JMJD1C: variants seen among roughly 807,000 people sequenced by gnomAD.
The protein encoded by JMJD1C is jumonji domain-containing protein 1C.
Under a neutral mutation model 245.3 loss-of-function variants are expected in JMJD1C, and 31 were observed. That is an observed-to-expected ratio of 0.13 (90% confidence interval 0.09 to 0.17). The LOEUF (loss-of-function observed/expected upper bound fraction) is 0.17. Ranked by LOEUF, JMJD1C falls within the 10% of genes least tolerant of loss-of-function variation. JMJD1C has a pLI of 1.00. For missense variants in JMJD1C, 2,691 were observed against 3,000.2 expected (o/e 0.90, Z 2.41); for synonymous variants, 1,057 against 1,017.4 (o/e 1.04, Z -0.74).
At chr10:63,256,909 G>A (rs868529982) in intron 3 of JMJD1C, among the ~76,000 whole-genome samples, 3 of 152,132 alleles carry the variant, frequency 2.0e-5, no homozygotes, top group Admixed American at 6.6e-5. Context: ...TGTGTTCGAC[G>A]CCTGTCAAAA....
At chr10:63,505,586 T>C (rs1293805730) in intron 1 of JMJD1C, among the ~76,000 whole-genome samples, 1 of 152,012 alleles carries the variant, frequency 6.6e-6, no homozygotes, top group African/African-American at 2.4e-5. Flanking sequence ...TAATTATATA[T>C]TTAATTATGG....
chr10:63,296,051 G>A (rs1320621815), intron 2 of JMJD1C, among the ~76,000 whole-genome samples: 1 of 140,648 alleles, frequency 7.1e-6, no homozygotes, highest in East Asian at 2.1e-4. Flanking sequence ...CACTCTTGTT[G>A]CCCAGGCTGG....
At chr10:63,183,306 T>TTACTTG in intron 22 of JMJD1C, 141 bp downstream of exon 22, 5 of 626,774 alleles carry the variant, frequency 8.0e-6, no homozygotes, top group Non-Finnish European at 1.3e-5. Flanking sequence ...CTTCAAGTAA[T>TTACTTG]AAGGGCTAAA....
chr10:63,359,588 T>G (rs1388616531), intron 2 of JMJD1C, among the ~76,000 whole-genome samples: 2 of 152,228 alleles, frequency 1.3e-5, no homozygotes. Context: ...TAATGAATAC[T>G]TTTCATTACC....
At chr10:63,278,530 A>G (rs1257877456) in intron 2 of JMJD1C, among the ~76,000 whole-genome samples, 1 of 151,472 alleles carries the variant, frequency 6.6e-6, no homozygotes, top group African/African-American at 2.4e-5. Context: ...CTCCAAAAAA[A>G]TCAAAAGCAA....
At position 63,353,975 on chromosome 10, in the gene JMJD1C, G is replaced by A. The variant is rs1305906913; in HGVS notation, c.333+26343C>T. Among the ~76,000 whole-genome samples, 4 of 152,012 alleles carry A rather than the reference G, an allele frequency of 2.6e-5. No homozygotes were observed. In the East Asian group the frequency reaches 7.7e-4, roughly 29 times the overall value. On this transcript the variant is annotated intron_variant, in intron 2 of 25. Coordinates refer to ENST00000399262, the MANE Select transcript of JMJD1C (RefSeq NM_032776.3). ...TCTGCCTCAGCCTCCTGGGTAGCTG[G>A]AACTACAGGCACACACCACCACACC...
chr10:63,311,288 A>C (rs868525493), intron 2 of JMJD1C, among the ~76,000 whole-genome samples: 1 of 151,950 alleles, frequency 6.6e-6, no homozygotes, highest in Non-Finnish European at 1.5e-5. Context: ...CTGAGGCAGG[A>C]GAATCACTTG....
intron 1 of JMJD1C, among the ~76,000 whole-genome samples, chr10:63,436,723 A>G (rs1951077189): frequency 6.6e-6 from 1 of 151,982 alleles, no homozygotes. Context: ...CCTTATCTCA[A>G]CCACTGACTT....
In JMJD1C at chr10:63,213,582, A is replaced by G; in HGVS notation, c.2585T>C (p.Ile862Thr). The G allele has an allele frequency of 6.2e-7, 1 of 1,614,140 alleles. No homozygotes were observed. The highest frequency in any genetic ancestry group is 8.5e-7 in the Non-Finnish European group (1 of 1,179,970). ...TGTTCCATTTGGATACTGCCAAATAATTGGATAAAGTCCAAGCTGATTATA... is the reference window on the plus strand; with the variant it reads ...TGTTCCATTTGGATACTGCCAAATAGTTGGATAAAGTCCAAGCTGATTATA... ...ASYNQLGLYP[I>T]IWQYPNGTHA... Residue 862 changes from isoleucine to threonine, a missense_variant, in exon 8 of 26, where the codon ATT becomes ACT. Around this residue, in one of 9 missense-constraint regions of JMJD1C, gnomAD observed 1,562 missense variants for 1,490.7 expected, o/e 1.05. Coordinates refer to ENST00000399262, the MANE Select transcript of JMJD1C (RefSeq NM_032776.3).
chr10:63,263,698 G>T (rs536980361), intron 3 of JMJD1C, among the ~76,000 whole-genome samples: 1 of 152,006 alleles, frequency 6.6e-6, no homozygotes, highest in Non-Finnish European at 1.5e-5. Context: ...TTGGGAGGCC[G>T]AGGCGGGCAG....
chr10:63,453,132 G>A (rs149756042), intron 1 of JMJD1C, among the ~76,000 whole-genome samples: 121 of 152,116 alleles, frequency 8.0e-4, no homozygotes, highest in Non-Finnish European at 1.5e-3. Flanking sequence ...AAAACTGGCC[G>A]GGTGTGGTGG....
At chr10:63,397,938 T>A (rs1027835206) in intron 1 of JMJD1C, among the ~76,000 whole-genome samples, 4 of 152,234 alleles carry the variant, frequency 2.6e-5, no homozygotes, top group Non-Finnish European at 4.4e-5. Context: ...ATGTGTAACT[T>A]TGGAATATCA....
At chr10:63,262,703 T>A (rs1459608522) in intron 3 of JMJD1C, among the ~76,000 whole-genome samples, 1 of 152,204 alleles carries the variant, frequency 6.6e-6, no homozygotes, top group Non-Finnish European at 1.5e-5. Context: ...GGTGACTTAG[T>A]ATATACACTA....
intron 2 of JMJD1C, among the ~76,000 whole-genome samples, chr10:63,339,755 G>A (rs547750847): frequency 1.6e-4 from 24 of 152,318 alleles, no homozygotes; most frequent in African/African-American, 4.1e-4. Flanking sequence ...GTGAAACCAC[G>A]TCTCTACTAA....
intron 3 of JMJD1C, among the ~76,000 whole-genome samples, chr10:63,221,771 G>A (rs1003814689): frequency 1.3e-5 from 2 of 152,202 alleles, no homozygotes; most frequent in African/African-American, 4.8e-5. Flanking sequence ...GCCCAGGCTG[G>A]AGTGCAATGG....
intron 2 of JMJD1C, among the ~76,000 whole-genome samples, chr10:63,354,353 GT>G (rs1944622566): frequency 6.6e-6 from 1 of 152,002 alleles, no homozygotes; most frequent in African/African-American, 2.4e-5. Context: ...CATTTTTATT[GT>G]TTGAACATAT....
intron 16 of JMJD1C, among the ~76,000 whole-genome samples, chr10:63,192,417 C>T (rs946999622): frequency 1.3e-5 from 2 of 151,894 alleles, no homozygotes; most frequent in African/African-American, 4.8e-5. Flanking sequence ...TAAAAATATA[C>T]ACTAGCTGGG....
At chr10:63,504,912 T>G (rs2133262352) in intron 1 of JMJD1C, among the ~76,000 whole-genome samples, 1 of 152,198 alleles carries the variant, frequency 6.6e-6, no homozygotes, top group South Asian at 2.1e-4. Context: ...TCCCAGCTAC[T>G]CGGGAGGCTG....
intron 24 of JMJD1C, among the ~76,000 whole-genome samples, chr10:63,172,922 A>AG (rs1398174486): frequency 6.7e-6 from 1 of 148,762 alleles, no homozygotes; most frequent in Non-Finnish European, 1.5e-5. Context: ...AGTGAGACAG[A>AG]GGGGGAAGTG....
Sources: gnomAD v4.1 joint callset for allele counts (sites outside exome capture counted in the v4.1 genomes callset) on GRCh38, gnomAD v4.1.1 for gene constraint, gnomAD v4.1.1 regional missense constraint, MANE v1.5 for transcripts, NCBI Gene and HGNC (gene_info 2026-07-23, HGNC 2026-07-21) for gene names.